The following PRB2 variants were observed in gnomAD, a reference collection of about 807,000 sequenced individuals.
PRB2 encodes the protein basic salivary proline-rich protein 2.
Under a neutral mutation model 8.3 loss-of-function variants are expected in PRB2, and 12 were observed. The ratio of observed to expected loss-of-function variants is 1.45; its 90% CI spans 0.93 to 2.35. The LOEUF is 2.35. Ranked by LOEUF, PRB2 falls within the 30% of genes most tolerant of loss-of-function variation. PRB2 has a pLI of 0.00. For missense variants in PRB2, 470 were observed against 507.0 expected (o/e 0.93, Z 0.70); for synonymous variants, 146 against 180.0 (o/e 0.81, Z 1.51).
intron 1 of PRB2, 123 bp from the exon 2 acceptor site, chr12:11,394,653 G>A: frequency 3.1e-6 from 4 of 1,274,462 alleles, no homozygotes; most frequent in Non-Finnish European, 2.3e-6. Context: ...TAACTCATCA[G>A]CCACCATCTG....
At chr12:11,394,044 G>T (rs1485772361) in intron 2 of PRB2, 67 bp from the exon 3 acceptor site, 13 of 1,600,468 alleles carry the variant, frequency 8.1e-6, no homozygotes, top group Non-Finnish European at 1.1e-5. Context: ...AATAGTTGCA[G>T]TAAATTTTTA....
chr12:11,394,004 A>C, intron 2 of PRB2, 27 bp from the exon 3 acceptor site: 1 of 1,613,832 alleles, frequency 6.2e-7, no homozygotes, highest in Non-Finnish European at 8.5e-7. Context: ...GAAGAGAAAG[A>C]CAGAGTAAAA....
chr12:11,394,047 A>C, intron 2 of PRB2, 70 bp from the exon 3 acceptor site: 1 of 1,596,310 alleles, frequency 6.3e-7, no homozygotes, highest in Non-Finnish European at 8.6e-7. Flanking sequence ...AGTTGCAGTA[A>C]ATTTTTATCA....
rs201994479 is a variant in PRB2, at chr12:11,393,830, G to A, written c.248C>T (p.Pro83Leu). ...ACCTTGAGGTTTGTTGCCTCCTTGT[G>A]GGGGTGGTCCTTGTGGCTTTCCTGG... is the stretch of plus-strand genomic sequence containing the variant. ...PPPGKPQGPP[P>L]QGGNKPQGPP... is the part of the protein sequence containing the mutation. Residue 83 changes from proline (P) to leucine (L), a missense_variant, in exon 3 of 4, where the codon CCA (proline) becomes CTA (leucine). Pro to Leu is a moderately conservative substitution (Grantham distance 98, BLOSUM62 -3). Around this residue, in one of 4 missense-constraint regions of PRB2, gnomAD observed 211 missense variants for 207.7 expected, o/e 1.02. Transcript: ENST00000389362. 1.7e-5 allele frequency: 26 copies of A among 1,486,750 alleles called. No homozygotes were observed. The highest frequency in any genetic ancestry group is 2.3e-5 in the Non-Finnish European group (25 of 1,104,816). The allele number at this position is 1,486,750 out of a possible 1,614,324, so 92.1% of individuals were successfully genotyped here.
At chr12:11,394,020 T>C (rs957933374) in intron 2 of PRB2, 43 bp from the exon 3 acceptor site, 17 of 1,612,088 alleles carry the variant, frequency 1.1e-5, no homozygotes, top group African/African-American at 5.3e-5. Flanking sequence ...TAAAAGCCCA[T>C]ACAAGATTCC....
Position 11,391,579 on chromosome 12 carries a change from C to A in PRB2, c.*103G>T, listed in dbSNP as rs150752838. 117 of 364,468 alleles carry A rather than the reference C, an allele frequency of 3.2e-4. 3 individuals carry two copies. The highest frequency in any genetic ancestry group is 5.5e-4 in the Non-Finnish European group (99 of 181,580). 22.6% of individuals were successfully genotyped at this position (364,468 alleles called of 1,614,324 possible). ...TTTTATTGGTATACAGAAGTTAGAG[C>A]TATGATGACCTTTTTCCAATGTCAT... On this transcript the variant is annotated 3_prime_UTR_variant, in exon 4 of 4. Coordinates refer to ENST00000389362, the MANE Select transcript of PRB2 (RefSeq NM_006248.4).
At chr12:11,395,122 A>G (rs1864389675) in intron 1 of PRB2, among the ~76,000 whole-genome samples, 1 of 151,984 alleles carries the variant, frequency 6.6e-6, no homozygotes, top group Admixed American at 6.6e-5. Context: ...CAAGGCCACC[A>G]TCATCCCTGT....
intron 1 of PRB2, 96 bp from the exon 2 acceptor site, chr12:11,394,626 C>T (rs1864381754): frequency 1.1e-5 from 16 of 1,438,320 alleles, no homozygotes; most frequent in Non-Finnish European, 1.6e-5. Flanking sequence ...TCACCACACC[C>T]CATGCATCCC....
At chr12:11,394,299 C>T (rs1435209206) in intron 2 of PRB2, among the ~76,000 whole-genome samples, 196 bp downstream of exon 2, 1 of 152,168 alleles carries the variant, frequency 6.6e-6, no homozygotes. Flanking sequence ...CTAAGCCAAG[C>T]ATCTCTGCCG....
rs772656544 is a variant in PRB2 at position 11,393,185 on chromosome 12, C to T, written c.893G>A (p.Arg298Gln). 27 of 1,585,584 alleles carry T rather than the reference C, an allele frequency of 1.7e-5. 1 individual carries two copies. The highest frequency in any genetic ancestry group is 2.0e-5 in the Non-Finnish European group (24 of 1,172,000). The change falls in exon 3 of 4, where the codon CGA (arginine) becomes CAA (glutamine). Residue 298 changes from arginine to glutamine, a missense_variant. Arg to Gln is a conservative substitution (Grantham distance 43). This residue lies in a region of PRB2 where 205 missense variants were observed against 195.0 expected (regional missense o/e 1.05). Coordinates refer to ENST00000389362, the MANE Select transcript of PRB2 (RefSeq NM_006248.4). ...TCCTTGTGGCTTTCCTGGAGGAGAT[C>T]GAGAACTTCGGGACTTGCTGCCTCC... The part of the protein sequence containing the change: ...PQGGSKSRSS[R>Q]SPPGKPQGPP...
chr12:11,393,943 G>T lies in PRB2; in HGVS notation c.135C>A (p.Asn45Lys). 3 of 1,586,618 alleles carry T rather than the reference G, an allele frequency of 1.9e-6. No individual in the cohort carries two copies. Among genetic ancestry groups the T allele is most frequent in the Non-Finnish European group, 2.6e-6 (3 of 1,163,538 alleles). ...NPQGAPPQGG[N>K]KPQGPPSPPG... ...GAGGAGATGGGGGACCTTGAGGTTT[G>T]TTGCCTCCTTGTGGGGGTGCTCCTT... Residue 45 changes from asparagine (N) to lysine (K), a missense_variant, in exon 3 of 4, where the codon AAC becomes AAA. Around this residue, in one of 4 missense-constraint regions of PRB2, gnomAD observed 211 missense variants for 207.7 expected, o/e 1.02. Coordinates refer to ENST00000389362, the MANE Select transcript of PRB2 (RefSeq NM_006248.4).
In PRB2 at chr12:11,393,645, G is replaced by T. The variant is rs769587143; in HGVS notation, c.433C>A (p.Gln145Lys). The change falls in exon 3 of 4, where the codon CAA becomes AAA. Residue 145 changes from glutamine (Q) to lysine (K), a missense_variant. Physicochemically the swap from Gln to Lys is moderately conservative, Grantham distance 53. Coordinates refer to ENST00000389362, the MANE Select transcript of PRB2 (RefSeq NM_006248.4). ...GGACCTTGAGGTTTGTTGCCTCCTTGTGGGGGTGGTCCTTGTGGCTTTCCT... is the reference window on the plus strand; with the variant it reads ...GGACCTTGAGGTTTGTTGCCTCCTTTTGGGGGTGGTCCTTGTGGCTTTCCT... ...PPGKPQGPPP[Q>K]GGNKPQGPPP... 1 of 1,545,828 alleles carries T rather than the reference G, an allele frequency of 6.5e-7. No homozygotes were observed. The highest frequency in any genetic ancestry group is 1.9e-5 in the Admixed American group (1 of 52,294).
In PRB2 at chr12:11,392,850, T is replaced by G; in HGVS notation, c.1228A>C (p.Arg410=). 1 of 1,554,634 alleles carries G rather than the reference T, an allele frequency of 6.4e-7. No homozygotes were observed. Among genetic ancestry groups the G allele is most frequent in the Non-Finnish European group, 8.7e-7 (1 of 1,153,818 alleles). ...TGTCACTGGGGAGGTCTGGAAGGTCTGCCCCCTTGAGGAGGGCGTGGTGGT... is the reference window on the plus strand; with the variant it reads ...TGTCACTGGGGAGGTCTGGAAGGTCGGCCCCCTTGAGGAGGGCGTGGTGGT... ...QGPPRPPQGG[R]PSRPPQ is the part of the protein sequence containing the mutation. Residue 410 remains arginine (R), a synonymous_variant, in exon 3 of 4, where the codon AGA becomes CGA. Coordinates refer to ENST00000389362, the MANE Select transcript of PRB2 (RefSeq NM_006248.4).
At chr12:11,395,242 A>C (rs1193806063) in intron 1 of PRB2, among the ~76,000 whole-genome samples, 1 of 152,028 alleles carries the variant, frequency 6.6e-6, no homozygotes, top group Admixed American at 6.6e-5. Context: ...TGCAAATCTT[A>C]CCTTCTCATT....
rs762456251 is a variant in PRB2, at chr12:11,393,904, T to C, written c.174A>G (p.Gln58=). 3 of 1,498,408 alleles carry C rather than the reference T, an allele frequency of 2.0e-6. No homozygotes were observed. Among genetic ancestry groups the C allele is most frequent in the Admixed American group, 3.7e-5 (2 of 53,706 alleles). The allele number at this position is 1,498,408 out of a possible 1,614,324, so 92.8% of individuals were successfully genotyped here. ...QGPPSPPGKP[Q]GPPPQGGNQP... is the part of the protein sequence containing the mutation. ...GGTTGCCTCCTTGTGGGGGTGGTCCTTGTGGCTTTCCTGGAGGAGATGGGG... is the reference window on the plus strand; with the variant it reads ...GGTTGCCTCCTTGTGGGGGTGGTCCCTGTGGCTTTCCTGGAGGAGATGGGG... The change falls in exon 3 of 4, where the codon CAA becomes CAG. Residue 58 remains glutamine, a synonymous_variant. Coordinates refer to ENST00000389362, the MANE Select transcript of PRB2 (RefSeq NM_006248.4).
chr12:11,393,527 G>T lies in PRB2; in HGVS notation c.551C>A (p.Pro184His), dbSNP rs375179980. ...TTGGGGCTGGTTGCCTCCTTGTGGG[G>T]GTGGTCCTTGTGGCTTTCCTGGAGG... Reference protein sequence around the residue: ...RSPPGKPQGPPPQGGNQPQGP... With the variant: ...RSPPGKPQGPHPQGGNQPQGP... Residue 184 changes from proline to histidine, a missense_variant, in exon 3 of 4, where the codon CCC (proline) becomes CAC (histidine). Pro to His is a moderately conservative substitution (Grantham distance 77). Around this residue, in one of 4 missense-constraint regions of PRB2, gnomAD observed 37 missense variants for 66.0 expected, o/e 0.56. Coordinates refer to ENST00000389362, the MANE Select transcript of PRB2 (RefSeq NM_006248.4). 6.7e-5 allele frequency: 106 copies of T among 1,571,352 alleles called. 4 individuals carry two copies. The African/African-American group carries it at 1.3e-3, about 19-fold the overall frequency.
intron 2 of PRB2, 102 bp downstream of exon 2, chr12:11,394,392 CA>C: frequency 7.2e-7 from 1 of 1,391,792 alleles, no homozygotes; most frequent in South Asian, 1.2e-5. Context: ...TAACATTAAT[CA>C]ATTCCCGAAA....
At chr12:11,394,566 A>T (rs749271174) in intron 1 of PRB2, 36 bp from the exon 2 acceptor site, 17 of 1,608,532 alleles carry the variant, frequency 1.1e-5, no homozygotes, top group Admixed American at 1.7e-5. Context: ...GAACAGTTAC[A>T]TCTTGAACCT....
Position 11,395,505 on chromosome 12 carries a change from C to T in PRB2, c.25G>A (p.Ala9Thr). The change falls in exon 1 of 4, where the codon GCC (alanine) becomes ACC (threonine). Residue 9 changes from alanine (A) to threonine (T), a missense_variant. Around this residue, in one of 4 missense-constraint regions of PRB2, gnomAD observed 211 missense variants for 207.7 expected, o/e 1.02. Transcript: ENST00000389362. MLLILLSVALLALSSAQNL... is the reference protein window; with the variant it reads MLLILLSVTLLALSSAQNL... ...TGAGCTGAGCTCAGGGCCAGCAAGG[C>T]CACTGACAGCAGAATCAACAGCATC... is the stretch of plus-strand genomic sequence containing the variant. 6.2e-7 allele frequency: 1 copy of T among 1,613,324 alleles called. No individual in the cohort carries two copies. Among genetic ancestry groups the T allele is most frequent in the South Asian group, 1.1e-5 (1 of 91,046 alleles).
Sources: gnomAD v4.1 joint callset for allele counts (sites outside exome capture counted in the v4.1 genomes callset) on GRCh38, gnomAD v4.1.1 for gene constraint, gnomAD v4.1.1 regional missense constraint, MANE v1.5 for transcripts, NCBI Gene and HGNC (gene_info 2026-07-23, HGNC 2026-07-21) for gene names.